The following CRB1 variants were observed in gnomAD, a reference collection of about 807,000 sequenced individuals.
CRB1 encodes protein crumbs homolog 1.
In CRB1, 83 loss-of-function variants were observed where a neutral mutation model predicts 120.0. That is an observed-to-expected ratio of 0.69 (90% CI 0.58 to 0.83). CRB1 has a LOEUF of 0.83. CRB1 is among the 40% of genes least tolerant of loss of function. CRB1 has a pLI of 0.00. For synonymous variants in CRB1, 625 were observed against 612.5 expected (o/e 1.02, Z -0.30); for missense variants, 1,699 against 1,687.6 (o/e 1.01, Z -0.12).
At chr1:197,234,612 A>G in the CRB1 span, among the ~76,000 whole-genome samples, 1 of 152,252 alleles carries the variant, frequency 6.6e-6, no homozygotes, top group African/African-American at 2.4e-5. Context: ...TTGAAGAGGC[A>G]CTGAAGAAAC....
intron 5 of CRB1, among the ~76,000 whole-genome samples, chr1:197,395,168 C>T (rs1468894745): frequency 6.6e-6 from 1 of 151,958 alleles, no homozygotes; most frequent in Non-Finnish European, 1.5e-5. Context: ...GTACATGCAG[C>T]AGAAAAACTA....
chr1:197,389,689 A>G (rs1477639418), intron 5 of CRB1, among the ~76,000 whole-genome samples: 1 of 150,878 alleles, frequency 6.6e-6, no homozygotes, highest in East Asian at 2.0e-4. Flanking sequence ...TGTCAATTTT[A>G]TGTTATGTAT....
At chr1:197,231,832 G>A in the CRB1 span, among the ~76,000 whole-genome samples, 1 of 152,134 alleles carries the variant, frequency 6.6e-6, no homozygotes, top group African/African-American at 2.4e-5. Flanking sequence ...GTAGACCAGG[G>A]CTGATGATAG....
chr1:197,247,825 T>A, the CRB1 span, among the ~76,000 whole-genome samples: 2 of 152,044 alleles, frequency 1.3e-5, no homozygotes, highest in African/African-American at 4.8e-5. Flanking sequence ...CTTTGCATGT[T>A]AAAGAAAGTT....
chr1:197,260,201 AGAAGAG>A, the CRB1 span, among the ~76,000 whole-genome samples: 1 of 20,102 alleles, frequency 5.0e-5, no homozygotes, highest in African/African-American at 3.3e-4. Context: ...AGGAAGAGGA[AGAAGAG>A]GAAGGAGAAA....
At chr1:197,431,167 A>G (rs965299278) in intron 8 of CRB1, among the ~76,000 whole-genome samples, 1 of 152,172 alleles carries the variant, frequency 6.6e-6, no homozygotes, top group Non-Finnish European at 1.5e-5. Flanking sequence ...ATGACATACT[A>G]TCTAGACTGG....
chr1:197,286,963 C>T (rs1655865953), intron 1 of CRB1, among the ~76,000 whole-genome samples: 1 of 151,798 alleles, frequency 6.6e-6, no homozygotes, highest in Admixed American at 6.6e-5. Context: ...GAGAATTAGA[C>T]ATTTATGAAA....
chr1:197,400,838 T>A (rs1209088886), intron 5 of CRB1, among the ~76,000 whole-genome samples: 1 of 152,176 alleles, frequency 6.6e-6, no homozygotes, highest in African/African-American at 2.4e-5. Flanking sequence ...ACATATTCAT[T>A]GTAGAAAATT....
At chr1:197,304,274 A>G (rs565650614) in intron 1 of CRB1, 222 of 303,996 alleles carry the variant, frequency 7.3e-4, no homozygotes, top group Non-Finnish European at 9.8e-4. Context: ...TTTTTAACAT[A>G]AGTTAAATGC....
chr1:197,438,897 G>T (rs901393300), intron 10 of CRB1: 1 of 459,082 alleles, frequency 2.2e-6, no homozygotes, highest in Admixed American at 3.5e-5. Flanking sequence ...AGGGAAAAAT[G>T]ATTTTTAAAA....
intron 5 of CRB1, among the ~76,000 whole-genome samples, chr1:197,370,865 T>G (rs1261493149): frequency 6.6e-6 from 1 of 152,172 alleles, no homozygotes; most frequent in East Asian, 1.9e-4. Flanking sequence ...AGCATCCGTG[T>G]AGACAACCGA....
At chr1:197,287,856 G>T (rs1402905666) in intron 1 of CRB1, among the ~76,000 whole-genome samples, 1 of 151,748 alleles carries the variant, frequency 6.6e-6, no homozygotes, top group Non-Finnish European at 1.5e-5. Flanking sequence ...GGTGGGACTG[G>T]ATTCACCCTC....
At chr1:197,294,007 G>A (rs530217003) in intron 1 of CRB1, among the ~76,000 whole-genome samples, 2 of 152,234 alleles carry the variant, frequency 1.3e-5, no homozygotes, top group South Asian at 4.1e-4. Flanking sequence ...GCATGGGCAA[G>A]GACTTGATGT....
chr1:197,218,176 T>C, the CRB1 span, among the ~76,000 whole-genome samples: 1 of 152,194 alleles, frequency 6.6e-6, no homozygotes, highest in African/African-American at 2.4e-5. Context: ...AAGTCAGAGC[T>C]TGCCACCTAT....
chr1:197,203,145 T>A, the CRB1 span, among the ~76,000 whole-genome samples: 335 of 152,250 alleles, frequency 2.2e-3, 2 homozygotes, highest in African/African-American at 7.8e-3. Context: ...CAGAAAAATA[T>A]TTGATAAATT....
At chr1:197,247,958 T>C in the CRB1 span, among the ~76,000 whole-genome samples, 1 of 152,152 alleles carries the variant, frequency 6.6e-6, no homozygotes, top group Admixed American at 6.6e-5. Context: ...TATAGTATAC[T>C]CTGATATTAA....
chr1:197,459,140 G>A (rs967084642), intron 11 of CRB1, among the ~76,000 whole-genome samples: 2 of 152,098 alleles, frequency 1.3e-5, no homozygotes, highest in African/African-American at 4.8e-5. Context: ...GAAATAGTAG[G>A]ATATAGAAGT....
chr1:197,316,678 G>A (rs765394074), intron 1 of CRB1, among the ~76,000 whole-genome samples: 2 of 152,124 alleles, frequency 1.3e-5, no homozygotes, highest in Non-Finnish European at 2.9e-5. Context: ...AAAATTTAAT[G>A]TCACATTCAA....
chr1:197,425,556 A>T (rs956971133), intron 6 of CRB1, among the ~76,000 whole-genome samples: 2 of 152,222 alleles, frequency 1.3e-5, no homozygotes, highest in African/African-American at 2.4e-5. Context: ...TCTTGAAGAC[A>T]GTGATCTTGT....
Sources: gnomAD v4.1 joint callset for allele counts (sites outside exome capture counted in the v4.1 genomes callset) on GRCh38, gnomAD v4.1.1 for gene constraint, MANE v1.5 for transcripts, NCBI Gene and HGNC (gene_info 2026-07-23, HGNC 2026-07-21) for gene names.